Variants in ANO4 observed in about 807,000 individuals in gnomAD.
The protein encoded by ANO4 is anoctamin 4.
ANO4 carries 69 observed loss-of-function variants against 141.9 expected under a neutral mutation model. That is an observed-to-expected ratio of 0.49 (90% CI 0.40 to 0.59). The LOEUF is 0.59. ANO4 is among the 20% of genes least tolerant of loss of function. The pLI is 0.00. For missense variants in ANO4, 894 were observed against 1,162.2 expected (o/e 0.77, Z 3.36); for synonymous variants, 350 against 394.3 (o/e 0.89, Z 1.33).
chr12:101,031,001 G>T (rs1433700007), intron 9 of ANO4, among the ~76,000 whole-genome samples: 1 of 152,190 alleles, frequency 6.6e-6, no homozygotes, highest in Non-Finnish European at 1.5e-5. Context: ...AATTCTACCA[G>T]AGGTACAAAG....
chr12:100,954,310 A>G (rs2043092051), intron 5 of ANO4, among the ~76,000 whole-genome samples: 1 of 152,204 alleles, frequency 6.6e-6, no homozygotes, highest in Non-Finnish European at 1.5e-5. Flanking sequence ...GCACCACAGC[A>G]GCAGGTCACA....
intron 14 of ANO4, among the ~76,000 whole-genome samples, chr12:101,072,258 G>A (rs1395306258): frequency 6.6e-6 from 1 of 152,098 alleles, no homozygotes; most frequent in Non-Finnish European, 1.5e-5. Context: ...AGAGCACAGG[G>A]AAGATATACC....
chr12:101,045,103 A>AT (rs2047569650), intron 13 of ANO4, among the ~76,000 whole-genome samples: 1 of 152,176 alleles, frequency 6.6e-6, no homozygotes, highest in Non-Finnish European at 1.5e-5. Context: ...GAGTGCTCAG[A>AT]TTTTATAGGG....
intron 3 of ANO4, among the ~76,000 whole-genome samples, chr12:100,787,268 G>C (rs1001049833): frequency 1.3e-4 from 20 of 152,168 alleles, no homozygotes; most frequent in African/African-American, 4.6e-4. Context: ...TGCTTGGGTG[G>C]TCCTTGGAGA....
chr12:100,789,353 A>G (rs1022546297), intron 3 of ANO4, among the ~76,000 whole-genome samples: 3 of 152,202 alleles, frequency 2.0e-5, no homozygotes, highest in African/African-American at 4.8e-5. Flanking sequence ...TTGGAATGAC[A>G]TAAGTGCTGA....
intron 1 of ANO4, among the ~76,000 whole-genome samples, chr12:100,825,489 C>T (rs1593438454): frequency 6.6e-6 from 1 of 151,990 alleles, no homozygotes; most frequent in Non-Finnish European, 1.5e-5. Context: ...CAAAATGGCA[C>T]CACACTGCCT....
At chr12:100,773,506 C>G (rs1045004469) in intron 3 of ANO4, among the ~76,000 whole-genome samples, 1 of 152,226 alleles carries the variant, frequency 6.6e-6, no homozygotes, top group African/African-American at 2.4e-5. Flanking sequence ...CAGTGGTTAA[C>G]TGAACACCTG....
At chr12:100,819,097 C>T (rs1179830011) in intron 1 of ANO4, among the ~76,000 whole-genome samples, 2 of 147,540 alleles carry the variant, frequency 1.4e-5, no homozygotes, top group African/African-American at 2.5e-5. Context: ...TTTAAATAAC[C>T]TGAGTAATGA....
chr12:100,939,291 A>G (rs762811647), intron 3 of ANO4, 24 bp from the exon 4 acceptor site: 17 of 1,605,008 alleles, frequency 1.1e-5, no homozygotes, highest in Middle Eastern at 1.7e-4. Flanking sequence ...TACCCACCTT[A>G]TAATGTATTT....
intron 3 of ANO4, among the ~76,000 whole-genome samples, chr12:100,784,701 A>G (rs2135590224): frequency 6.6e-6 from 1 of 152,296 alleles, no homozygotes. Flanking sequence ...TCTTGTTTAT[A>G]GGTTTCTTTT....
chr12:100,899,157 C>T (rs1446101119), intron 1 of ANO4, among the ~76,000 whole-genome samples: 4 of 152,212 alleles, frequency 2.6e-5, no homozygotes, highest in African/African-American at 9.6e-5. Context: ...CAGCCTATCT[C>T]CTACGGGGCC....
chr12:101,098,070 G>A (rs1272220014), intron 21 of ANO4, 125 bp downstream of exon 21: 6 of 801,304 alleles, frequency 7.5e-6, no homozygotes, highest in African/African-American at 1.7e-5. Context: ...GGAACTAAGT[G>A]CTCACATTTA....
At chr12:101,032,220 G>T (rs1006885096) in intron 9 of ANO4, among the ~76,000 whole-genome samples, 1 of 152,104 alleles carries the variant, frequency 6.6e-6, no homozygotes, top group African/African-American at 2.4e-5. Flanking sequence ...CATGATAATG[G>T]TACCAAAACA....
intron 9 of ANO4, among the ~76,000 whole-genome samples, chr12:101,034,887 A>C (rs574029391): frequency 1.3e-5 from 2 of 152,326 alleles, no homozygotes; most frequent in South Asian, 4.1e-4. Flanking sequence ...GAGAGTGGCT[A>C]AAATTTAAAA....
At chr12:100,792,922 G>A (rs1224920519), upstream of ANO4, among the ~76,000 whole-genome samples, 5 of 152,142 alleles carry the variant, frequency 3.3e-5, no homozygotes, top group South Asian at 2.1e-4. Context: ...ATATTAATTC[G>A]ATTTCAGAAA....
chr12:100,834,600 A>G (rs2135785453), intron 1 of ANO4, among the ~76,000 whole-genome samples: 2 of 152,278 alleles, frequency 1.3e-5, no homozygotes, highest in Middle Eastern at 6.8e-3. Flanking sequence ...AGCAGTGTAT[A>G]CATAAACATT....
intron 5 of ANO4, among the ~76,000 whole-genome samples, chr12:100,954,667 C>T (rs1387816205): frequency 6.6e-6 from 1 of 152,150 alleles, no homozygotes; most frequent in East Asian, 1.9e-4. Context: ...TATGCTAGCC[C>T]CATCTCTGTA....
At position 100,749,962 on chromosome 12, in the gene ANO4, G is replaced by A. The variant is rs186797695; in HGVS notation, c.358+9857G>A. Among the ~76,000 whole-genome samples the A allele has an allele frequency of 3.9e-5, 6 of 152,186 alleles. No homozygotes were observed. The East Asian group carries it at 7.7e-4, about 20-fold the overall frequency. The stretch of plus-strand genomic sequence containing the variant: ...TGATATATGACTGAATGGATGTCCC[G>A]TATATTTTCAATAAGGTTAAAATAT... On this transcript the variant is annotated intron_variant, in intron 3 of 29. Coordinates refer to the ANO4 transcript ENST00000644049.
chr12:101,012,055 A>G (rs2046118620), intron 8 of ANO4, among the ~76,000 whole-genome samples: 1 of 152,306 alleles, frequency 6.6e-6, no homozygotes, highest in South Asian at 2.1e-4. Context: ...AAGCATCATT[A>G]TAAAATGATA....
Sources: gnomAD v4.1 joint callset for allele counts (sites outside exome capture counted in the v4.1 genomes callset) on GRCh38, gnomAD v4.1.1 for gene constraint, MANE v1.5 for transcripts, NCBI Gene and HGNC (gene_info 2026-07-23, HGNC 2026-07-21) for gene names.